Variants in HVCN1 observed in about 807,000 individuals in gnomAD.
HVCN1 encodes hydrogen voltage gated channel 1.
HVCN1 carries 14 observed loss-of-function variants against 29.2 expected under a neutral mutation model. The observed-to-expected ratio is 0.48, with a 90% CI of 0.32 to 0.75. HVCN1 has a LOEUF of 0.75. HVCN1 is among the 30% of genes least tolerant of loss of function. The pLI is 0.04. For missense variants in HVCN1, 263 were observed against 341.8 expected, an observed-to-expected ratio of 0.77 and a Z score of 1.82; for synonymous variants, 131 against 133.2, an observed-to-expected ratio of 0.98 and a Z score of 0.11.
rs1357255777 is a variant in HVCN1, at chr12:110,697,011, CAG to C, written c.-104+5296_-104+5297del. 5.3e-5 allele frequency among the ~76,000 whole-genome samples: 8 copies of C among 151,810 alleles called. No individual in the cohort carries two copies. In the East Asian group the frequency reaches 1.2e-3, roughly 22 times the overall value. The stretch of plus-strand genomic sequence containing the variant: ...AGATCCATGTGGGAGACAGAAAAGA[CAG>C]GGGGGAACTGTGGGTGGCATGGACA... On this transcript the variant is annotated intron_variant, in intron 2 of 4. Coordinates refer to the HVCN1 transcript ENST00000546713.
At chr12:110,701,411 C>T (rs1395384295) in intron 2 of HVCN1, among the ~76,000 whole-genome samples, 1 of 152,184 alleles carries the variant, frequency 6.6e-6, no homozygotes, top group Non-Finnish European at 1.5e-5. Flanking sequence ...CCCCAACTTC[C>T]AAATCAGAAT....
Position 110,655,352 on chromosome 12 carries a change from G to A in HVCN1, c.307-14C>T, listed in dbSNP as rs765612656. On this transcript the variant is annotated splice_polypyrimidine_tract_variant and intron_variant, in intron 4 of 7. Coordinates refer to ENST00000242607, the MANE Select transcript of HVCN1 (RefSeq NM_032369.4). ...GATGATGATGACCTGTGGGCCGAGG[G>A]AAGGTGCCAGAGATCATGAGACCCC... 3.7e-6 allele frequency: 6 copies of A among 1,600,328 alleles called. No individual in the cohort carries two copies. Among genetic ancestry groups the A allele is most frequent in the Non-Finnish European group, 4.3e-6 (5 of 1,167,708 alleles).
In HVCN1 at chr12:110,684,372, A is replaced by G. The variant is rs570402346; in HGVS notation, c.-19-1108T>C. ...TATGTGAATTTCACTCCAATTGAAA[A>G]AAGACAGACATTACAGTGTTGGGGT... On this transcript the variant is annotated intron_variant, in intron 2 of 7. Coordinates refer to ENST00000242607, the MANE Select transcript of HVCN1 (RefSeq NM_032369.4). Among the ~76,000 whole-genome samples the G allele has an allele frequency of 5.7e-4, 87 of 152,350 alleles. 3 individuals carry two copies. The South Asian group carries it at 0.018, about 31-fold the overall frequency.
intron 3 of HVCN1, among the ~76,000 whole-genome samples, chr12:110,665,946 C>T (rs1315095576): frequency 4.7e-5 from 7 of 147,374 alleles, no homozygotes; most frequent in South Asian, 4.3e-4. Context: ...GTGGAGGTTG[C>T]GGTAAGCCGA....
At chr12:110,673,289 C>A (rs1566049969) in intron 3 of HVCN1, among the ~76,000 whole-genome samples, 1 of 152,142 alleles carries the variant, frequency 6.6e-6, no homozygotes, top group Non-Finnish European at 1.5e-5. Context: ...ATTTGTGGAG[C>A]TTTGAACTTG....
At chr12:110,689,217 C>G (rs2136487122), upstream of HVCN1, 1 of 151,864 alleles carries the variant, frequency 6.6e-6, no homozygotes, top group South Asian at 2.0e-4. The surrounding 1 kb of genome is among the most constrained non-coding windows in gnomAD (Gnocchi z 5.7). Flanking sequence ...CCCCCACAGC[C>G]CGCAGACCCC....
chr12:110,651,021 G>A (rs1454962014), intron 6 of HVCN1, among the ~76,000 whole-genome samples, 196 bp downstream of exon 6: 1 of 152,090 alleles, frequency 6.6e-6, no homozygotes, highest in East Asian at 1.9e-4. Flanking sequence ...TTTGCTTGAC[G>A]TAAACCTGCT....
chr12:110,651,227 C>T lies in HVCN1; in HGVS notation c.633G>A (p.Arg211=). 1.2e-6 allele frequency: 2 copies of T among 1,613,078 alleles called. No homozygotes were observed. The highest frequency in any genetic ancestry group is 1.7e-4 in the Middle Eastern group (1 of 6,034). The part of the protein sequence containing the change: ...LILLRLWRVA[R]IINGIIISVK... ...GTGCAGGAGACGTACCATTGATGAT[C>T]CGGGCCACCCGCCACAGCCGGAGCA... The change falls in exon 6 of 8, where the codon CGG becomes CGA. Residue 211 remains arginine, a synonymous_variant. Transcript: ENST00000242607.
intron 2 of HVCN1, 56 bp from the exon 3 acceptor site, chr12:110,683,320 G>A: frequency 6.5e-7 from 1 of 1,546,936 alleles, no homozygotes; most frequent in East Asian, 2.3e-5. Flanking sequence ...ATCTGCCTTG[G>A]TATGTGCTCT....
At chr12:110,686,089 C>T (rs1278973267) in intron 2 of HVCN1, among the ~76,000 whole-genome samples, 4 of 151,862 alleles carry the variant, frequency 2.6e-5, no homozygotes, top group African/African-American at 7.3e-5. Context: ...ACCTCTGTCT[C>T]CCAGGTTCAA....
At chr12:110,675,555 A>C (rs1341230866) in intron 3 of HVCN1, among the ~76,000 whole-genome samples, 2 of 152,228 alleles carry the variant, frequency 1.3e-5, no homozygotes, top group Admixed American at 1.3e-4. Flanking sequence ...TTTCTCTGCC[A>C]ATACAGAGAA....
intron 1 of HVCN1, among the ~76,000 whole-genome samples, chr12:110,704,498 A>G (rs963508195): frequency 2.0e-5 from 3 of 151,932 alleles, no homozygotes; most frequent in Non-Finnish European, 4.4e-5. Context: ...AATAATTAAA[A>G]AAAAAAAAAA....
At chr12:110,689,695 A>C (rs2069358190), upstream of HVCN1, 2 of 152,188 alleles carry the variant, frequency 1.3e-5, no homozygotes, top group African/African-American at 4.8e-5. This position sits in a 1 kb window ranked among gnomAD's most constrained non-coding sequence, Gnocchi z 5.7. Flanking sequence ...GAGGCTGCTC[A>C]TGGGATGGTA....
intron 6 of HVCN1, among the ~76,000 whole-genome samples, 182 bp from the exon 7 acceptor site, chr12:110,650,462 G>C (rs1029299429): frequency 6.6e-6 from 1 of 152,284 alleles, no homozygotes; most frequent in African/African-American, 2.4e-5. Context: ...TTAGTACCCA[G>C]TTACACAGTA....
In HVCN1 at chr12:110,650,268, G is replaced by T; in HGVS notation, c.656C>A (p.Ser219Ter). 6.2e-7 allele frequency: 1 copy of T among 1,606,952 alleles called. No individual in the cohort carries two copies. Among genetic ancestry groups the T allele is most frequent in the South Asian group, 1.1e-5 (1 of 90,910 alleles). Residue 219 changes from serine to a stop codon, truncating the protein, a stop_gained, in exon 7 of 8, where the codon TCA becomes TAA. Coordinates refer to ENST00000242607, the MANE Select transcript of HVCN1 (RefSeq NM_032369.4). LOFTEE classifies it high-confidence loss of function. The stretch of plus-strand genomic sequence containing the variant: ...TTGCCGTTCTGAACGTGTCTTAACT[G>T]AGATGATAATCCCTGAAATAAAATT... ...VARIINGIII[S>*]VKTRSERQLL...
intron 5 of HVCN1, among the ~76,000 whole-genome samples, chr12:110,654,555 T>C (rs1435024011): frequency 6.7e-6 from 1 of 149,074 alleles, no homozygotes; most frequent in African/African-American, 2.5e-5. Context: ...CTCGGCTCAC[T>C]GCAGCCTCCG....
intron 4 of HVCN1, among the ~76,000 whole-genome samples, chr12:110,659,216 T>A (rs981465286): frequency 1.3e-5 from 2 of 152,174 alleles, no homozygotes; most frequent in Non-Finnish European, 2.9e-5. Context: ...TTTTTTTCTC[T>A]TTTACCCTGG....
intron 5 of HVCN1, among the ~76,000 whole-genome samples, chr12:110,653,596 C>T (rs1244039848): frequency 6.6e-6 from 1 of 152,152 alleles, no homozygotes; most frequent in Non-Finnish European, 1.5e-5. Context: ...AATCCCAGCA[C>T]TTTGGGAGGC....
intron 2 of HVCN1, among the ~76,000 whole-genome samples, chr12:110,700,723 G>T (rs1052002867): frequency 5.3e-5 from 8 of 152,206 alleles, no homozygotes; most frequent in Non-Finnish European, 7.3e-5. Context: ...CTCCCAAAGT[G>T]CTGGGATTAC....
Sources: gnomAD v4.1 joint callset for allele counts (sites outside exome capture counted in the v4.1 genomes callset) on GRCh38, gnomAD v4.1.1 for gene constraint, Gnocchi (gnomAD v3.1) non-coding constraint, MANE v1.5 for transcripts, NCBI Gene and HGNC (gene_info 2026-07-23, HGNC 2026-07-21) for gene names.